Variants in MEIKIN observed in about 807,000 individuals in gnomAD.
MEIKIN encodes meiosis-specific kinetochore protein.
chr5:131,900,770 G>A (rs1751142818), intron 8 of MEIKIN, among the ~76,000 whole-genome samples: 1 of 152,086 alleles, frequency 6.6e-6, no homozygotes, highest in African/African-American at 2.4e-5. Flanking sequence ...TGCCCAGGTG[G>A]GGTGCCTCCT....
At chr5:131,835,244 GTA>G (rs61393524) in intron 11 of MEIKIN, among the ~76,000 whole-genome samples, 2 of 150,340 alleles carry the variant, frequency 1.3e-5, no homozygotes, top group African/African-American at 5.0e-5. Flanking sequence ...GTATATATGT[GTA>G]TATATATGAT....
intron 12 of MEIKIN, among the ~76,000 whole-genome samples, chr5:131,815,755 T>C (rs1021989746): frequency 5.9e-5 from 9 of 152,206 alleles, no homozygotes; most frequent in Admixed American, 6.5e-5. Context: ...TGATTAACGT[T>C]AATGGAAAAC....
chr5:131,863,424 C>T (rs184234644), intron 9 of MEIKIN, among the ~76,000 whole-genome samples: 182 of 152,212 alleles, frequency 1.2e-3, no homozygotes, highest in African/African-American at 4.3e-3. Flanking sequence ...ATATTGGATT[C>T]TGTCTCTCTT....
intron 8 of MEIKIN, among the ~76,000 whole-genome samples, chr5:131,894,114 T>C (rs1463732685): frequency 6.6e-6 from 1 of 152,222 alleles, no homozygotes; most frequent in Non-Finnish European, 1.5e-5. Flanking sequence ...GCTTTCTACA[T>C]ATGGCTAGCC....
intron 4 of MEIKIN, among the ~76,000 whole-genome samples, chr5:131,940,978 C>T (rs1032685844): frequency 9.2e-5 from 14 of 151,942 alleles, no homozygotes; most frequent in Admixed American, 3.9e-4. Flanking sequence ...CCAGCCCCCC[C>T]GATAGTTCAC....
intron 12 of MEIKIN, among the ~76,000 whole-genome samples, chr5:131,814,342 T>C (rs1773061138): frequency 6.6e-6 from 1 of 151,678 alleles, no homozygotes; most frequent in Non-Finnish European, 1.5e-5. Context: ...AGTGGCGTGA[T>C]TACAGCTTAC....
intron 11 of MEIKIN, among the ~76,000 whole-genome samples, chr5:131,821,992 T>C (rs1247738933): frequency 6.6e-6 from 1 of 152,198 alleles, no homozygotes; most frequent in African/African-American, 2.4e-5. Flanking sequence ...GCACATGTAT[T>C]CACAATCATT....
chr5:131,873,517 C>T (rs1249243657), intron 9 of MEIKIN, among the ~76,000 whole-genome samples: 1 of 152,182 alleles, frequency 6.6e-6, no homozygotes, highest in Non-Finnish European at 1.5e-5. Context: ...TAGTGACCTA[C>T]AAAGAGACTT....
chr5:131,871,074 G>A (rs916630230), intron 9 of MEIKIN, among the ~76,000 whole-genome samples: 7 of 152,198 alleles, frequency 4.6e-5, no homozygotes, highest in African/African-American at 1.2e-4. Context: ...CAGCATGAGC[G>A]ACGCAGAAGA....
chr5:131,878,326 C>T (rs1014909554), intron 9 of MEIKIN, among the ~76,000 whole-genome samples: 7 of 152,076 alleles, frequency 4.6e-5, no homozygotes, highest in African/African-American at 1.7e-4. Context: ...CCAGCACTTT[C>T]GGAGGCCGAG....
chr5:131,866,216 T>C (rs1750381981), intron 9 of MEIKIN, among the ~76,000 whole-genome samples: 1 of 152,214 alleles, frequency 6.6e-6, no homozygotes, highest in African/African-American at 2.4e-5. Context: ...AAGTGGCACA[T>C]GCTGGTGAAT....
intron 8 of MEIKIN, among the ~76,000 whole-genome samples, chr5:131,908,909 T>C (rs1178246391): frequency 6.6e-6 from 1 of 152,112 alleles, no homozygotes; most frequent in Non-Finnish European, 1.5e-5. Flanking sequence ...GAAACACTGA[T>C]GCAAAAAATT....
At chr5:131,899,695 T>C (rs771467122) in intron 8 of MEIKIN, among the ~76,000 whole-genome samples, 1 of 152,176 alleles carries the variant, frequency 6.6e-6, no homozygotes, top group African/African-American at 2.4e-5. Flanking sequence ...GCTATATTTA[T>C]ATCAGACAAA....
chr5:131,835,213 TA>T (rs1749784594), intron 11 of MEIKIN, among the ~76,000 whole-genome samples: 2 of 151,340 alleles, frequency 1.3e-5, no homozygotes, highest in Admixed American at 6.6e-5. Context: ...TATATGTGTG[TA>T]TATATATGTG....
intron 11 of MEIKIN, among the ~76,000 whole-genome samples, chr5:131,841,424 C>T (rs775773133): frequency 3.1e-4 from 47 of 152,158 alleles, no homozygotes; most frequent in African/African-American, 1.1e-3. Context: ...TGCCTCCCTA[C>T]GGGCATTTAC....
intron 8 of MEIKIN, among the ~76,000 whole-genome samples, chr5:131,881,074 T>G (rs964239985): frequency 1.3e-5 from 2 of 152,116 alleles, no homozygotes; most frequent in Admixed American, 1.3e-4. Flanking sequence ...GTTTGAGAGC[T>G]CTGTAGGAGA....
chr5:131,903,229 A>G (rs1751188047), intron 8 of MEIKIN, among the ~76,000 whole-genome samples: 3 of 152,226 alleles, frequency 2.0e-5, no homozygotes, highest in Admixed American at 1.3e-4. Context: ...AAAACATTTC[A>G]AGATATCATC....
At chr5:131,927,293 T>TA (rs1233068790) in intron 5 of MEIKIN, among the ~76,000 whole-genome samples, 1 of 152,242 alleles carries the variant, frequency 6.6e-6, no homozygotes, top group Non-Finnish European at 1.5e-5. Context: ...TTCCTTCTGC[T>TA]ACTGATTTCT....
At chr5:131,927,206 C>A (rs1751601298) in intron 5 of MEIKIN, among the ~76,000 whole-genome samples, 1 of 152,222 alleles carries the variant, frequency 6.6e-6, no homozygotes, top group African/African-American at 2.4e-5. Flanking sequence ...TTTCTAATTT[C>A]CCTTTTGATT....
Sources: gnomAD v4.1 joint callset for allele counts (sites outside exome capture counted in the v4.1 genomes callset) on GRCh38, gnomAD v4.1.1 for gene constraint, MANE v1.5 for transcripts, NCBI Gene and HGNC (gene_info 2026-07-23, HGNC 2026-07-21) for gene names.